SMYD3: variants seen among roughly 807,000 people sequenced by gnomAD.
The protein encoded by SMYD3 is histone-lysine N-methyltransferase SMYD3.
SMYD3 carries 36 observed loss-of-function variants against 57.7 expected under a neutral mutation model. The ratio of observed to expected loss-of-function variants is 0.62; its 90% confidence interval spans 0.48 to 0.82. SMYD3 has a LOEUF of 0.82. Ranked by LOEUF, SMYD3 falls within the 40% of genes least tolerant of loss-of-function variation. SMYD3 has a pLI of 0.00. For synonymous variants in SMYD3, 211 were observed against 195.0 expected, an observed-to-expected ratio of 1.08 and a Z score of -0.68; for missense variants, 515 against 538.8, an observed-to-expected ratio of 0.96 and a Z score of 0.44.
At chr1:245,826,305 G>C (rs77373849) in intron 10 of SMYD3, among the ~76,000 whole-genome samples, 1 of 151,942 alleles carries the variant, frequency 6.6e-6, no homozygotes, top group African/African-American at 2.4e-5. Flanking sequence ...TCTTTTTGTG[G>C]CTGACTTCAC....
In SMYD3 at chr1:246,031,995, C is replaced by T. The variant is rs142977937; in HGVS notation, c.532-102058G>A. ...CAGAGACTCTAAAGTTACGTTGAAACGACCCTTACACCCTCGAAGCAACGT... is the reference window on the plus strand; with the variant it reads ...CAGAGACTCTAAAGTTACGTTGAAATGACCCTTACACCCTCGAAGCAACGT... On this transcript the variant is annotated intron_variant, in intron 5 of 11. Coordinates refer to ENST00000490107, the MANE Select transcript of SMYD3 (RefSeq NM_001167740.2). Among the ~76,000 whole-genome samples the T allele has an allele frequency of 1.1e-3, 169 of 152,214 alleles. 1 individual carries two copies. The highest frequency in any genetic ancestry group is 3.9e-3 in the African/African-American group (161 of 41,516).
intron 11 of SMYD3, among the ~76,000 whole-genome samples, chr1:245,758,047 C>T (rs1038539785): frequency 4.6e-5 from 7 of 152,124 alleles, no homozygotes; most frequent in Non-Finnish European, 5.9e-5. Flanking sequence ...ACTAAGTCTT[C>T]GAACCTATGA....
At position 245,786,221 on chromosome 1, in the gene SMYD3, G is replaced by GGGC. The variant is rs1553321397; in HGVS notation, c.1077-22073_1077-22072insGCC. Among the ~76,000 whole-genome samples the GGGC allele has an allele frequency of 3.1e-4, 46 of 147,352 alleles. 2 individuals carry two copies. The highest frequency in any genetic ancestry group is 1.1e-3 in the African/African-American group (44 of 39,522). The stretch of plus-strand genomic sequence containing the variant: ...TTGAGTTGGGGTGTGGACGGGGGGG[G>GGGC]GATGGTGGCAACAGAATATTAAGAA... On this transcript the variant is annotated intron_variant, in intron 10 of 11. Coordinates refer to ENST00000490107, the MANE Select transcript of SMYD3 (RefSeq NM_001167740.2).
At chr1:246,434,934 T>A (rs902443643) in intron 1 of SMYD3, among the ~76,000 whole-genome samples, 6 of 152,110 alleles carry the variant, frequency 3.9e-5, no homozygotes, top group African/African-American at 1.2e-4. Flanking sequence ...AAAGAAAACA[T>A]GGGGTGTGTG....
intron 5 of SMYD3, among the ~76,000 whole-genome samples, chr1:246,137,557 CA>C (rs2061682473): frequency 6.6e-6 from 1 of 152,136 alleles, no homozygotes; most frequent in Non-Finnish European, 1.5e-5. Flanking sequence ...TTCCCAATTG[CA>C]AAAGTTTAAG....
intron 5 of SMYD3, among the ~76,000 whole-genome samples, chr1:246,165,422 G>A (rs1309752184): frequency 6.6e-6 from 1 of 152,104 alleles, no homozygotes; most frequent in Non-Finnish European, 1.5e-5. Flanking sequence ...GAAAATAATT[G>A]AGACTAGATA....
chr1:246,161,554 T>C (rs546997124), intron 5 of SMYD3, among the ~76,000 whole-genome samples: 219 of 152,322 alleles, frequency 1.4e-3, no homozygotes, highest in African/African-American at 5.0e-3. Flanking sequence ...TGCCTCCACC[T>C]TGGTATATCA....
At chr1:245,816,815 C>T (rs1245991164) in intron 10 of SMYD3, among the ~76,000 whole-genome samples, 1 of 152,198 alleles carries the variant, frequency 6.6e-6, no homozygotes, top group Non-Finnish European at 1.5e-5. Context: ...GGGTCACTCC[C>T]ACCCGAATAT....
At chr1:246,222,428 T>C (rs2063271215) in intron 5 of SMYD3, among the ~76,000 whole-genome samples, 1 of 152,034 alleles carries the variant, frequency 6.6e-6, no homozygotes, top group Admixed American at 6.5e-5. Context: ...TGTGCCTCAT[T>C]AGCTGTGTAA....
intron 5 of SMYD3, among the ~76,000 whole-genome samples, chr1:245,956,462 G>C (rs544128530): frequency 7.9e-5 from 12 of 152,338 alleles, no homozygotes; most frequent in South Asian, 4.1e-4. Flanking sequence ...GAGCAAAACA[G>C]GACGTGTGAC....
chr1:246,305,784 C>T (rs2064967910), intron 5 of SMYD3: 1 of 152,162 alleles, frequency 6.6e-6, no homozygotes, highest in Non-Finnish European at 1.5e-5. Context: ...GTTAGCTTGT[C>T]CTACAATTTT....
chr1:246,236,652 G>C (rs2063516838), intron 5 of SMYD3, among the ~76,000 whole-genome samples: 1 of 151,962 alleles, frequency 6.6e-6, no homozygotes, highest in Non-Finnish European at 1.5e-5. Flanking sequence ...CTGACCTCGT[G>C]ATCCACCCAC....
At chr1:246,182,984 C>T (rs192781423) in intron 5 of SMYD3, among the ~76,000 whole-genome samples, 5 of 152,296 alleles carry the variant, frequency 3.3e-5, no homozygotes, top group Admixed American at 3.3e-4. Flanking sequence ...TAGCACATTG[C>T]TAAATTTCTC....
intron 5 of SMYD3, among the ~76,000 whole-genome samples, chr1:246,161,695 C>A (rs545393159): frequency 9.9e-5 from 15 of 152,264 alleles, no homozygotes; most frequent in African/African-American, 3.6e-4. Context: ...AAGTATTGTT[C>A]TTCTAAAATG....
At chr1:245,849,865 C>G (rs908390916) in intron 10 of SMYD3, among the ~76,000 whole-genome samples, 2 of 152,052 alleles carry the variant, frequency 1.3e-5, no homozygotes, top group South Asian at 4.2e-4. Context: ...GTTGCCCAGG[C>G]TGGTCTTGAA....
chr1:246,025,077 G>A (rs34303486), intron 5 of SMYD3, among the ~76,000 whole-genome samples: 1 of 138,170 alleles, frequency 7.2e-6, no homozygotes, highest in African/African-American at 3.1e-5. Flanking sequence ...TCTAGGAAGG[G>A]AGATACAGGA....
intron 5 of SMYD3, among the ~76,000 whole-genome samples, chr1:246,031,187 T>C (rs1338446466): frequency 2.0e-5 from 3 of 152,122 alleles, no homozygotes; most frequent in Non-Finnish European, 2.9e-5. Flanking sequence ...AGGGTTTTCA[T>C]AGGAAATCAC....
intron 5 of SMYD3, among the ~76,000 whole-genome samples, chr1:246,269,739 A>T (rs973556606): frequency 2.0e-5 from 3 of 151,830 alleles, no homozygotes; most frequent in African/African-American, 4.8e-5. Context: ...GCTCATTTTA[A>T]AAAAAATCTT....
At chr1:245,932,614 C>T (rs908315670) in intron 5 of SMYD3, among the ~76,000 whole-genome samples, 1 of 152,160 alleles carries the variant, frequency 6.6e-6, no homozygotes, top group Non-Finnish European at 1.5e-5. Flanking sequence ...GGCTGGAGTG[C>T]AGTGGTGCGA....
Sources: allele counts gnomAD v4.1 joint callset (sites outside exome capture counted in the v4.1 genomes callset), GRCh38; gene constraint gnomAD v4.1.1; transcripts MANE v1.5; gene names NCBI Gene and HGNC (gene_info 2026-07-23, HGNC 2026-07-21).